NBAS: variants seen among roughly 807,000 people sequenced by gnomAD.
NBAS encodes the protein NBAS subunit of NRZ tethering complex.
A neutral mutation model predicts 302.5 loss-of-function variants in NBAS; 219 were observed. The ratio of observed to expected loss-of-function variants is 0.72; its 90% confidence interval spans 0.65 to 0.81. The LOEUF is 0.81. NBAS is among the 30% of genes least tolerant of loss of function. The probability of loss-of-function intolerance (pLI) is 0.00; values close to 1 mark genes in which losing one functional copy is unlikely to be tolerated. For missense variants in NBAS, 2,932 were observed against 2,841.6 expected (o/e 1.03, Z -0.72); for synonymous variants, 1,118 against 1,021.6 (o/e 1.09, Z -1.80).
intron 47 of NBAS, among the ~76,000 whole-genome samples, chr2:15,220,083 AC>A (rs1230541468): frequency 4.3e-4 from 41 of 94,918 alleles, no homozygotes; most frequent in South Asian, 1.3e-3. Flanking sequence ...CGGGGGGCTG[AC>A]CCCCCCCACC....
At chr2:14,844,306 G>A in the NBAS span, among the ~76,000 whole-genome samples, 1 of 152,250 alleles carries the variant, frequency 6.6e-6, no homozygotes, top group South Asian at 2.1e-4. Flanking sequence ...CCCTGGGCCA[G>A]AAGGGAACTC....
At chr2:15,522,134 A>G (rs1047623791) in intron 9 of NBAS, among the ~76,000 whole-genome samples, 2 of 152,244 alleles carry the variant, frequency 1.3e-5, no homozygotes, top group African/African-American at 4.8e-5. Context: ...GTAGAGAAGT[A>G]AATGATCAGA....
the NBAS span, among the ~76,000 whole-genome samples, chr2:14,920,779 C>G: frequency 1.3e-5 from 2 of 152,174 alleles, no homozygotes; most frequent in Non-Finnish European, 2.9e-5. Flanking sequence ...CTCTCTGAGC[C>G]TTCATAGAAT....
the NBAS span, among the ~76,000 whole-genome samples, chr2:15,014,540 G>A: frequency 2.6e-4 from 39 of 152,040 alleles, no homozygotes; most frequent in East Asian, 7.5e-3. Context: ...ATGGGTAAAG[G>A]AAGAAATTTA....
chr2:15,370,358 A>G (rs1380830292), intron 31 of NBAS, among the ~76,000 whole-genome samples: 2 of 152,176 alleles, frequency 1.3e-5, no homozygotes, highest in African/African-American at 4.8e-5. Flanking sequence ...CGGTGGCACA[A>G]TCTCAACTCA....
the NBAS span, among the ~76,000 whole-genome samples, chr2:15,098,965 A>G: frequency 6.6e-6 from 1 of 151,114 alleles, no homozygotes; most frequent in East Asian, 1.9e-4. Context: ...TCACACACAC[A>G]TATATATATA....
At chr2:15,188,271 G>C (rs982204510) in intron 49 of NBAS, among the ~76,000 whole-genome samples, 1 of 152,204 alleles carries the variant, frequency 6.6e-6, no homozygotes, top group African/African-American at 2.4e-5. Context: ...GTAAATTATA[G>C]TCATGTGGAT....
the NBAS span, among the ~76,000 whole-genome samples, chr2:15,077,608 G>A: frequency 0.027 from 4,094 of 152,214 alleles, 170 homozygotes; most frequent in African/African-American, 0.095. Context: ...AACTACTGAT[G>A]TAATAATGAA....
the NBAS span, among the ~76,000 whole-genome samples, chr2:14,935,446 C>T: frequency 6.6e-6 from 1 of 152,134 alleles, no homozygotes; most frequent in Non-Finnish European, 1.5e-5. Flanking sequence ...TCTTATGCCC[C>T]TTGAACTTGC....
At chr2:15,158,188 A>C in the NBAS span, among the ~76,000 whole-genome samples, 6 of 152,162 alleles carry the variant, frequency 3.9e-5, no homozygotes, top group East Asian at 1.2e-3. Flanking sequence ...TTTCTGATAA[A>C]TTCTCTGGCC....
chr2:14,872,993 T>C, the NBAS span, among the ~76,000 whole-genome samples: 17 of 152,158 alleles, frequency 1.1e-4, no homozygotes, highest in African/African-American at 3.9e-4. Flanking sequence ...AGCAGTAAGA[T>C]TTATTGCTAA....
chr2:15,505,154 G>A (rs563939437), intron 10 of NBAS, among the ~76,000 whole-genome samples: 2 of 152,168 alleles, frequency 1.3e-5, no homozygotes, highest in African/African-American at 4.8e-5. Context: ...CATTGCTCCT[G>A]CTAAAACCTA....
the NBAS span, among the ~76,000 whole-genome samples, chr2:15,100,930 C>T: frequency 6.6e-6 from 1 of 152,124 alleles, no homozygotes; most frequent in South Asian, 2.1e-4. Flanking sequence ...GGTGCATTTG[C>T]TTAAAAATGG....
At chr2:15,031,500 C>T in the NBAS span, among the ~76,000 whole-genome samples, 2 of 152,076 alleles carry the variant, frequency 1.3e-5, no homozygotes, top group Non-Finnish European at 2.9e-5. Context: ...GCAGAAGACC[C>T]CTAGCAAACT....
chr2:15,074,576 A>G, the NBAS span, among the ~76,000 whole-genome samples: 1 of 152,066 alleles, frequency 6.6e-6, no homozygotes, highest in Non-Finnish European at 1.5e-5. Context: ...ATGAATAACT[A>G]TAATATAGGG....
rs774415864 is a variant in NBAS, at chr2:15,218,787, A to G, written c.6418T>C (p.Trp2140Arg). The change falls in exon 48 of 52, where the codon TGG (tryptophan) becomes CGG (arginine). Residue 2140 changes from tryptophan to arginine, a missense_variant. Physicochemically the swap from Trp to Arg is moderately radical, Grantham distance 101. Transcript: ENST00000281513. ...FRTEAILKAS[W>R]PQRQVDIADI... ...CACTCCCTTACCTGTCTCTGGGGCC[A>G]GGAGGCTTTGAGAATGGCTTCAGTT... The G allele has an allele frequency of 1.2e-6, 2 of 1,614,146 alleles. No individual in the cohort carries two copies. Among genetic ancestry groups the G allele is most frequent in the African/African-American group, 2.7e-5 (2 of 74,952 alleles).
chr2:15,329,855 C>T (rs930474942), intron 36 of NBAS, among the ~76,000 whole-genome samples: 64 of 152,150 alleles, frequency 4.2e-4, no homozygotes, highest in Non-Finnish European at 5.6e-4. Context: ...TCAGTATTTA[C>T]CCACCTTGCT....
chr2:15,063,325 G>A, the NBAS span, among the ~76,000 whole-genome samples: 1 of 151,760 alleles, frequency 6.6e-6, no homozygotes, highest in African/African-American at 2.4e-5. Context: ...CTGTTCATTG[G>A]CTCATCCCAG....
intron 6 of NBAS, among the ~76,000 whole-genome samples, chr2:15,539,592 T>C (rs945629935): frequency 2.0e-5 from 3 of 152,174 alleles, no homozygotes; most frequent in African/African-American, 7.2e-5. Flanking sequence ...CAAAGTCTAC[T>C]GATGCATGGT....
Sources: allele counts gnomAD v4.1 joint callset (sites outside exome capture counted in the v4.1 genomes callset), GRCh38; gene constraint gnomAD v4.1.1; transcripts MANE v1.5; gene names NCBI Gene and HGNC (gene_info 2026-07-23, HGNC 2026-07-21).